The following PRPF38B variants were observed in gnomAD, a reference collection of about 807,000 sequenced individuals.
PRPF38B encodes the protein pre-mRNA processing factor 38B, also known as pre-mRNA-splicing factor 38B.
A neutral mutation model predicts 67.2 loss-of-function variants in PRPF38B; 18 were observed. The observed-to-expected ratio is 0.27, with a 90% CI of 0.19 to 0.40. PRPF38B has a LOEUF of 0.40. Among genes scored for constraint, PRPF38B ranks in the 10% least tolerant of loss-of-function variants. The pLI is 1.00. For synonymous variants in PRPF38B, 246 were observed against 234.2 expected (o/e 1.05, Z -0.46); for missense variants, 544 against 684.9 (o/e 0.79, Z 2.30).
rs1057106719 is a variant in PRPF38B, at chr1:108,702,029, T to C, written c.*2009T>C. 6.6e-6 allele frequency among the ~76,000 whole-genome samples: 1 copy of C among 152,262 alleles called. No individual in the cohort carries two copies. The highest frequency in any genetic ancestry group is 1.5e-5 in the Non-Finnish European group (1 of 68,044). ...TTTTATCTGACTATTTTAAGTAAAA[T>C]GTGGAAAGAATTTAAATTACTTCAC... On this transcript the variant is annotated 3_prime_UTR_variant, in exon 6 of 6. Transcript: ENST00000370025.
At chr1:108,699,127 C>A (rs757385235) in intron 5 of PRPF38B, 35 bp from the exon 6 acceptor site, 7 of 1,555,180 alleles carry the variant, frequency 4.5e-6, no homozygotes, top group Non-Finnish European at 6.1e-6. Context: ...ATGTTTTATT[C>A]ATTGAAATTT....
chr1:108,700,017 G>T lies in PRPF38B; in HGVS notation c.1638G>T (p.Val546=). 6.4e-7 allele frequency: 1 copy of T among 1,574,216 alleles called. No homozygotes were observed. Among genetic ancestry groups the T allele is most frequent in the Non-Finnish European group, 8.6e-7 (1 of 1,166,292 alleles). The change falls in exon 6 of 6, where the codon GTG becomes GTT. Residue 546 remains valine, a synonymous_variant. Transcript: ENST00000370025. ...EKQHKNKDET[V] ...AGCATAAAAACAAAGATGAGACTGT[G>T]TGAAAATATTTTGTAAAAGTGGATC...
intron 4 of PRPF38B, chr1:108,696,541 GT>G: frequency 1.6e-6 from 1 of 610,914 alleles, no homozygotes; most frequent in South Asian, 2.2e-5. Flanking sequence ...TTATTTTCTT[GT>G]TTTAAAATTG....
chr1:108,698,386 C>T, intron 4 of PRPF38B: 1 of 467,404 alleles, frequency 2.1e-6, no homozygotes, highest in South Asian at 4.1e-5. Context: ...GATCAGTTCC[C>T]TTTATGCCTG....
Position 108,696,346 on chromosome 1 carries a change from A to G in PRPF38B, c.558+9A>G, listed in dbSNP as rs1202248021. ...TCCTTGATGATGAAGAGGTATGTCA[A>G]CAAGGGTAATAATTTGTTTTCTTCT... On this transcript the variant is annotated intron_variant, in intron 4 of 5. Transcript: ENST00000370025. 3 of 1,601,602 alleles carry G rather than the reference A, an allele frequency of 1.9e-6. No homozygotes were observed. Among genetic ancestry groups the G allele is most frequent in the Non-Finnish European group, 2.6e-6 (3 of 1,170,464 alleles).
rs956486374 is a variant in PRPF38B, at chr1:108,702,085, A to G, written c.*2065A>G. Among the ~76,000 whole-genome samples the G allele has an allele frequency of 8.5e-5, 13 of 152,198 alleles. No homozygotes were observed. Among genetic ancestry groups the G allele is most frequent in the African/African-American group, 3.1e-4 (13 of 41,450 alleles). On this transcript the variant is annotated 3_prime_UTR_variant, in exon 6 of 6. Transcript: ENST00000370025. ...GGTGAAAGAACTATCACCTCGATTG[A>G]CAGTTCGATGATCGTCACTACATTT...
In PRPF38B at chr1:108,701,907, A is replaced by G. The variant is rs1246701062; in HGVS notation, c.*1887A>G. On this transcript the variant is annotated 3_prime_UTR_variant, in exon 6 of 6. Transcript: ENST00000370025. ...CAGAAGTTAGAAAAACCTATTGTATAATATGAAAGCCACTAAATTTGTCTT... is the reference window on the plus strand; with the variant it reads ...CAGAAGTTAGAAAAACCTATTGTATGATATGAAAGCCACTAAATTTGTCTT... The G allele has an allele frequency of 6.6e-6, 1 of 152,198 alleles. No homozygotes were observed. Among genetic ancestry groups the G allele is most frequent in the Non-Finnish European group, 1.5e-5 (1 of 68,040 alleles). 9.4% of individuals were successfully genotyped at this position (152,198 alleles called of 1,614,324 possible). A position where few individuals can be genotyped will look rare whatever the true frequency, so the allele number is the denominator to read the frequency against.
rs1204072169 is a variant in PRPF38B at position 108,699,903 on chromosome 1, C to G, written c.1524C>G (p.His508Gln). The G allele has an allele frequency of 1.2e-6, 2 of 1,614,014 alleles. No homozygotes were observed. Among genetic ancestry groups the G allele is most frequent in the African/African-American group, 1.3e-5 (1 of 74,898 alleles). The change falls in exon 6 of 6, where the codon CAC becomes CAG. Residue 508 changes from histidine (H) to glutamine (Q), a missense_variant. His to Gln is a conservative substitution (Grantham distance 24, BLOSUM62 0). Around this residue, in one of 5 missense-constraint regions of PRPF38B, gnomAD observed 387 missense variants for 386.1 expected, o/e 1.00. Transcript: ENST00000370025. ...GTAGTAGAAGCAAAGAACGTTCCCA[C>G]AAACGAGATCACAGTGATAGTAAGG... ...RKRSRSKERSHKRDHSDSKDQ... is the reference protein window; with the variant it reads ...RKRSRSKERSQKRDHSDSKDQ...
At position 108,700,258 on chromosome 1, in the gene PRPF38B, G is replaced by GT; in HGVS notation, c.*243dup. ...GATTGTTCTTGCATTTTTATTGTTT[G>GT]TTTTTGAAATGTACAGTCTGTACAT... On this transcript the variant is annotated 3_prime_UTR_variant, in exon 6 of 6. Transcript: ENST00000370025. 1.6e-6 allele frequency: 1 copy of GT among 626,716 alleles called. No individual in the cohort carries two copies. The highest frequency in any genetic ancestry group is 2.4e-6 in the Non-Finnish European group (1 of 423,932). 38.8% of individuals were successfully genotyped at this position (626,716 alleles called of 1,614,324 possible).
chr1:108,699,193 T>C lies in PRPF38B; in HGVS notation c.814T>C (p.Ser272Pro). The change falls in exon 6 of 6, where the codon TCC becomes CCC. Residue 272 changes from serine (S) to proline (P), a missense_variant. Physicochemically the swap from Ser to Pro is moderately conservative, Grantham distance 74. Around this residue, in one of 5 missense-constraint regions of PRPF38B, gnomAD observed 387 missense variants for 386.1 expected, o/e 1.00. Transcript: ENST00000370025. ...SPRRSLSPRR[S>P]PRRSRSRSHH... ...AAGGAGATCTCTGAGTCCACGGAGGTCCCCAAGAAGGTCAAGAAGTAGAAG... is the reference window on the plus strand; with the variant it reads ...AAGGAGATCTCTGAGTCCACGGAGGCCCCCAAGAAGGTCAAGAAGTAGAAG... 6.2e-7 allele frequency: 1 copy of C among 1,612,838 alleles called. No individual in the cohort carries two copies. Among genetic ancestry groups the C allele is most frequent in the South Asian group, 1.1e-5 (1 of 90,980 alleles).
rs761547050 is a variant in PRPF38B, at chr1:108,692,828, C to T, written c.237C>T (p.Leu79=). The change falls in exon 1 of 6, where the codon CTC becomes CTT. Residue 79 remains leucine, a synonymous_variant. Transcript: ENST00000370025. ...SPYFKVQLYE[L]KTYHEVVDEI... ...ACTTCAAAGTACAGCTCTACGAGCT[C>T]AAGACCTACCACGAGGTGGTGGACG... 6.2e-7 allele frequency: 1 copy of T among 1,614,220 alleles called. No individual in the cohort carries two copies. The highest frequency in any genetic ancestry group is 8.5e-7 in the Non-Finnish European group (1 of 1,180,040).
At chr1:108,698,330 A>G (rs1277654099) in intron 4 of PRPF38B, 1 of 339,414 alleles carries the variant, frequency 2.9e-6, no homozygotes, top group Non-Finnish European at 5.3e-6. Flanking sequence ...ATCGTTCCGC[A>G]TAGTTTAGAA....
chr1:108,693,875 T>G (rs1055348158), intron 1 of PRPF38B, among the ~76,000 whole-genome samples: 7 of 152,222 alleles, frequency 4.6e-5, no homozygotes, highest in African/African-American at 1.7e-4. Context: ...TTTAAAAATT[T>G]TATCCGGAGC....
In PRPF38B at chr1:108,701,041, A is replaced by G. The variant is rs1411634891; in HGVS notation, c.*1021A>G. 2 of 152,610 alleles carry G rather than the reference A, an allele frequency of 1.3e-5. No individual in the cohort carries two copies. The highest frequency in any genetic ancestry group is 2.9e-5 in the Non-Finnish European group (2 of 68,012). 9.5% of individuals were successfully genotyped at this position (152,610 alleles called of 1,614,324 possible). On this transcript the variant is annotated 3_prime_UTR_variant, in exon 6 of 6. Transcript: ENST00000370025. ...ATTGCTGTTTGAGTTTTTAAACTTA[A>G]TCTAGAACAGAGGAGTATTAAAAGT...
In PRPF38B at chr1:108,692,695, C is replaced by G; in HGVS notation, c.104C>G (p.Thr35Ser). ...QQQQCGGGGA[T>S]KPAVSGKQGN... ...CAGCAGTGCGGCGGCGGCGGCGCTACCAAGCCGGCGGTCTCCGGCAAGCAG... is the reference window on the plus strand; with the variant it reads ...CAGCAGTGCGGCGGCGGCGGCGCTAGCAAGCCGGCGGTCTCCGGCAAGCAG... The change falls in exon 1 of 6, where the codon ACC (threonine) becomes AGC (serine). Residue 35 changes from threonine (T) to serine (S), a missense_variant. By Grantham distance (58) the Thr-to-Ser change is moderately conservative. Around this residue, in one of 5 missense-constraint regions of PRPF38B, gnomAD observed 70 missense variants for 58.4 expected, o/e 1.20. Transcript: ENST00000370025. 6.2e-7 allele frequency: 1 copy of G among 1,613,248 alleles called. No homozygotes were observed. Among genetic ancestry groups the G allele is most frequent in the Non-Finnish European group, 8.5e-7 (1 of 1,180,022 alleles).
At chr1:108,693,865 T>C (rs1330742523) in intron 1 of PRPF38B, among the ~76,000 whole-genome samples, 1 of 152,232 alleles carries the variant, frequency 6.6e-6, no homozygotes, top group African/African-American at 2.4e-5. Flanking sequence ...CTTAGTGGTC[T>C]TTAAAAATTT....
chr1:108,695,610 C>A, intron 1 of PRPF38B, 92 bp from the exon 2 acceptor site: 1 of 1,209,548 alleles, frequency 8.3e-7, no homozygotes, highest in Non-Finnish European at 1.2e-6. Context: ...TTTGGAAGAG[C>A]TGCTCTATTA....
In PRPF38B at chr1:108,692,559, CCTCCTTCCCT is replaced by C; in HGVS notation, c.-31_-22del. The C allele has an allele frequency of 3.3e-6, 5 of 1,509,744 alleles. No homozygotes were observed. Among genetic ancestry groups the C allele is most frequent in the Non-Finnish European group, 4.4e-6 (5 of 1,127,652 alleles). The allele number at this position is 1,509,744 out of a possible 1,614,324, so 93.5% of individuals were successfully genotyped here. A position where few individuals can be genotyped will look rare whatever the true frequency, so the allele number is the denominator to read the frequency against. On this transcript the variant is annotated 5_prime_UTR_variant, in exon 1 of 6. Transcript: ENST00000370025. Reference sequence around the variant, plus strand: ...AGATCGAGCTTGGCCCCCTCCCCCCCCTCCTTCCCTCCCTCCTTCCTTCCGCCGCAACATG... The same window carrying C: ...AGATCGAGCTTGGCCCCCTCCCCCCCCCCTCCTTCCTTCCGCCGCAACATG...
intron 1 of PRPF38B, among the ~76,000 whole-genome samples, chr1:108,695,441 T>TTA (rs1373691878): frequency 6.6e-6 from 1 of 152,214 alleles, no homozygotes; most frequent in Non-Finnish European, 1.5e-5. Context: ...ATATCAGCTC[T>TTA]TTATAAAGCT....
Sources: gnomAD v4.1 joint callset for allele counts (sites outside exome capture counted in the v4.1 genomes callset) on GRCh38, gnomAD v4.1.1 for gene constraint, gnomAD v4.1.1 regional missense constraint, MANE v1.5 for transcripts, NCBI Gene and HGNC (gene_info 2026-07-23, HGNC 2026-07-21) for gene names.